The following NAMPT variants were observed in gnomAD, a reference collection of about 807,000 sequenced individuals.
The protein encoded by NAMPT is NAmPRTase.
Under a neutral mutation model 58.7 loss-of-function variants are expected in NAMPT, and 7 were observed. That is an observed-to-expected ratio of 0.12 (90% CI 0.07 to 0.22). The LOEUF (loss-of-function observed/expected upper bound fraction) is 0.22. Among genes scored for constraint, NAMPT ranks in the 10% least tolerant of loss-of-function variants. NAMPT has a pLI of 1.00. For missense variants in NAMPT, 271 were observed against 567.9 expected, an observed-to-expected ratio of 0.48 and a Z score of 5.31; for synonymous variants, 145 against 198.1, an observed-to-expected ratio of 0.73 and a Z score of 2.25.
chr7:106,267,372 C>T (rs541790987), intron 6 of NAMPT, among the ~76,000 whole-genome samples: 1 of 152,144 alleles, frequency 6.6e-6, no homozygotes, highest in African/African-American at 2.4e-5. Context: ...ATATGAACAC[C>T]AGTCAACTAA....
chr7:106,280,511 T>C (rs1458774103), intron 1 of NAMPT, among the ~76,000 whole-genome samples: 2 of 152,216 alleles, frequency 1.3e-5, no homozygotes, highest in Admixed American at 6.5e-5. Flanking sequence ...CTACAATAAA[T>C]ACAAAATTAT....
intron 1 of NAMPT, among the ~76,000 whole-genome samples, chr7:106,280,451 T>C (rs562986921): frequency 6.6e-6 from 1 of 152,244 alleles, no homozygotes; most frequent in Non-Finnish European, 1.5e-5. Flanking sequence ...TCTTAAATCA[T>C]GTTAACTTTT....
intron 7 of NAMPT, 51 bp downstream of exon 7, chr7:106,263,341 C>A: frequency 7.8e-7 from 1 of 1,284,824 alleles, no homozygotes; most frequent in East Asian, 2.3e-5. Flanking sequence ...AGTATTGATG[C>A]AGCTGGCCTA....
intron 1 of NAMPT, among the ~76,000 whole-genome samples, chr7:106,283,668 A>ATT (rs945510533): frequency 6.6e-6 from 1 of 152,336 alleles, no homozygotes; most frequent in African/African-American, 2.4e-5. Flanking sequence ...GGATTTTGCA[A>ATT]TACTTTAAAC....
chr7:106,269,367 T>C, intron 4 of NAMPT, 55 bp from the exon 5 acceptor site: 1 of 1,499,344 alleles, frequency 6.7e-7, no homozygotes, highest in Non-Finnish European at 9.0e-7. Context: ...GCATTCTTTC[T>C]GAGGAAAATC....
chr7:106,282,425 A>T (rs1456446883), intron 1 of NAMPT, among the ~76,000 whole-genome samples: 1 of 152,244 alleles, frequency 6.6e-6, no homozygotes, highest in Non-Finnish European at 1.5e-5. Context: ...CAGCTTACAG[A>T]TGACCCTTTG....
At chr7:106,275,435 T>G (rs1223059911) in intron 2 of NAMPT, 1 of 154,146 alleles carries the variant, frequency 6.5e-6, no homozygotes, top group Non-Finnish European at 1.4e-5. Flanking sequence ...ATCTTTAGGG[T>G]TGGTAAGTCA....
rs780890977 is a variant in NAMPT, at chr7:106,254,357, GA to G, written c.1230+6del. On this transcript the variant is annotated splice_donor_region_variant and intron_variant, in intron 9 of 10. Transcript: ENST00000222553. ...AGTAACACAGAAGTAATTAAAAGGT[GA>G]CATACCCCAAGGCCATTAGTTACAA... 6.3e-5 allele frequency: 101 copies of G among 1,613,352 alleles called. 1 individual carries two copies. The East Asian group carries it at 2.2e-3, about 35-fold the overall frequency.
chr7:106,270,811 C>T (rs2115792405), intron 4 of NAMPT, among the ~76,000 whole-genome samples: 1 of 152,298 alleles, frequency 6.6e-6, no homozygotes, highest in East Asian at 1.9e-4. Flanking sequence ...AATGCAGATG[C>T]CTAAGTCTAA....
At chr7:106,269,382 C>CTT (rs35479106) in intron 4 of NAMPT, 70 bp from the exon 5 acceptor site, 11,075 of 1,144,954 alleles carry the variant, frequency 9.7e-3, no homozygotes, top group East Asian at 0.02. Context: ...AAAATCCTAG[C>CTT]TTTTTTTTTT....
chr7:106,257,909 C>G (rs74523234), intron 8 of NAMPT, among the ~76,000 whole-genome samples: 5,803 of 139,802 alleles, frequency 0.042, 129 homozygotes, highest in Middle Eastern at 0.13. Context: ...GTGTGTGTGT[C>G]TGTGTATACA....
chr7:106,259,219 TTCTAGTTA>T (rs1792260983), intron 8 of NAMPT, among the ~76,000 whole-genome samples: 1 of 152,210 alleles, frequency 6.6e-6, no homozygotes, highest in South Asian at 2.1e-4. Context: ...GCTCCACCAC[TTCTAGTTA>T]TCTAGCTATT....
chr7:106,261,853 T>C, intron 7 of NAMPT, 146 bp from the exon 8 acceptor site: 1 of 813,214 alleles, frequency 1.2e-6, no homozygotes, highest in Non-Finnish European at 1.9e-6. Context: ...GTATATGCTC[T>C]CTAAAATTTG....
intron 8 of NAMPT, among the ~76,000 whole-genome samples, chr7:106,259,666 G>A (rs958811788): frequency 2.6e-5 from 4 of 152,062 alleles, no homozygotes; most frequent in Admixed American, 2.0e-4. Flanking sequence ...TGCGTGATCT[G>A]CCTGTCTCGG....
chr7:106,282,427 G>T (rs764614600), intron 1 of NAMPT, among the ~76,000 whole-genome samples: 1 of 152,108 alleles, frequency 6.6e-6, no homozygotes, highest in African/African-American at 2.4e-5. Flanking sequence ...GCTTACAGAT[G>T]ACCCTTTGAG....
At chr7:106,281,363 CCCACAATGG>C (rs780978695) in intron 1 of NAMPT, among the ~76,000 whole-genome samples, 9 of 152,118 alleles carry the variant, frequency 5.9e-5, no homozygotes, top group Non-Finnish European at 1.2e-4. Context: ...GATCTTTCCT[CCCACAATGG>C]GATCACATGA....
At position 106,250,900 on chromosome 7, in the gene NAMPT, T is replaced by C. The variant is rs1325533181; in HGVS notation, c.*183A>G. 2 of 586,442 alleles carry C rather than the reference T, an allele frequency of 3.4e-6. No individual in the cohort carries two copies. Among genetic ancestry groups the C allele is most frequent in the South Asian group, 2.1e-5 (1 of 46,950 alleles). The allele number at this position is 586,442 out of a possible 1,614,324, so 36.3% of individuals were successfully genotyped here. A position where few individuals can be genotyped will look rare whatever the true frequency, so the allele number is the denominator to read the frequency against. ...CTTACTTTAGCACTCATCTTTTACATGGTTAAATGCATTTCCTAATTTGAG... is the reference window on the plus strand; with the variant it reads ...CTTACTTTAGCACTCATCTTTTACACGGTTAAATGCATTTCCTAATTTGAG... On this transcript the variant is annotated 3_prime_UTR_variant, in exon 11 of 11. Coordinates refer to ENST00000222553, the MANE Select transcript of NAMPT (RefSeq NM_005746.3).
intron 10 of NAMPT, among the ~76,000 whole-genome samples, chr7:106,252,437 TAGG>T (rs1792120218): frequency 6.6e-6 from 1 of 152,236 alleles, no homozygotes; most frequent in African/African-American, 2.4e-5. Context: ...AGAATCAAAA[TAGG>T]AAGTAATAGT....
At chr7:106,270,011 C>T (rs1466493673) in intron 4 of NAMPT, among the ~76,000 whole-genome samples, 2 of 152,164 alleles carry the variant, frequency 1.3e-5, no homozygotes, top group Non-Finnish European at 2.9e-5. Flanking sequence ...GGAAACACTT[C>T]CGCATATGTT....
Sources: allele counts gnomAD v4.1 joint callset (sites outside exome capture counted in the v4.1 genomes callset), GRCh38; gene constraint gnomAD v4.1.1; transcripts MANE v1.5; gene names NCBI Gene and HGNC (gene_info 2026-07-23, HGNC 2026-07-21).